Variants in CLN6 observed in about 807,000 individuals in gnomAD.
CLN6 encodes the protein ceroid-lipofuscinosis neuronal protein 6.
A neutral mutation model predicts 33.3 loss-of-function variants in CLN6; 22 were observed. The ratio of observed to expected loss-of-function variants is 0.66; its 90% CI spans 0.47 to 0.94. The LOEUF is 0.94. Ranked by LOEUF, CLN6 falls within the 40% of genes least tolerant of loss-of-function variation. The pLI is 0.00. For missense variants in CLN6, 387 were observed against 417.1 expected, an observed-to-expected ratio of 0.93 and a Z score of 0.63; for synonymous variants, 201 against 174.6, an observed-to-expected ratio of 1.15 and a Z score of -1.19.
In CLN6 at chr15:68,247,556, T is replaced by C. The variant is rs1892339803; in HGVS notation, c.179+9134A>G. Among the ~76,000 whole-genome samples the C allele has an allele frequency of 6.6e-6, 1 of 152,176 alleles. No individual in the cohort carries two copies. Among genetic ancestry groups the C allele is most frequent in the South Asian group, 2.1e-4 (1 of 4,828 alleles). On this transcript the variant is annotated intron_variant, in intron 1 of 6. Transcript: ENST00000538696. The surrounding 1 kb of genome is among the most constrained non-coding windows in gnomAD (Gnocchi z 4.2). The stretch of plus-strand genomic sequence containing the variant: ...CACAGCAAAATGGAAAGCTATTCCA[T>C]GTTCATGGACTGGAATAGTTAGTTG...
At position 68,256,903 on chromosome 15, in the gene CLN6, G is replaced by C; in HGVS notation, c.-35C>G. 1.5e-6 allele frequency: 1 copy of C among 653,054 alleles called. No individual in the cohort carries two copies. Among genetic ancestry groups the C allele is most frequent in the Non-Finnish European group, 2.8e-6 (1 of 361,886 alleles). The allele number at this position is 653,054 out of a possible 1,614,324, so 40.5% of individuals were successfully genotyped here. A position where few individuals can be genotyped will look rare whatever the true frequency, so the allele number is the denominator to read the frequency against. On this transcript the variant is annotated 5_prime_UTR_variant, in exon 1 of 7. Coordinates refer to the CLN6 transcript ENST00000538696. The surrounding 1 kb of genome is among the most constrained non-coding windows in gnomAD (Gnocchi z 4.1). Reference sequence around the variant, plus strand: ...AGGCAAGGTCCTGGGCGCGGCTCTGGGGAGGGTCAGGGTGCGCGTCCCACC... The same window carrying C: ...AGGCAAGGTCCTGGGCGCGGCTCTGCGGAGGGTCAGGGTGCGCGTCCCACC...
intron 2 of CLN6, chr15:68,218,225 T>C: frequency 2.9e-6 from 1 of 340,704 alleles, no homozygotes; most frequent in Non-Finnish European, 5.8e-6. Flanking sequence ...GTCTTGGTGA[T>C]TTGGTTCAAC....
rs1321555069 is a variant in CLN6, at chr15:68,219,502, C to T, written c.84-852G>A. On this transcript the variant is annotated intron_variant, in intron 1 of 6. Transcript: ENST00000249806. The surrounding 1 kb of genome is among the most constrained non-coding windows in gnomAD (Gnocchi z 4.2). The stretch of plus-strand genomic sequence containing the variant: ...TCACGATACATCTTTGGAGGCCTGT[C>T]CCTCTCACTAAACAGTTGGTCATCT... Among the ~76,000 whole-genome samples, 1 of 152,154 alleles carries T rather than the reference C, an allele frequency of 6.6e-6. No homozygotes were observed. Among genetic ancestry groups the T allele is most frequent in the Non-Finnish European group, 1.5e-5 (1 of 68,020 alleles).
chr15:68,229,858 G>A (rs1045950881), upstream of CLN6: 4 of 267,278 alleles, frequency 1.5e-5, no homozygotes, highest in Admixed American at 5.5e-5. Context: ...TCGCGGGGCG[G>A]GGGCTGCTGG....
At position 68,208,180 on chromosome 15, in the gene CLN6, G is replaced by A. The variant is rs758921701; in HGVS notation, c.896C>T (p.Pro299Leu). The change falls in exon 7 of 7, where the codon CCC becomes CTC. Residue 299 changes from proline to leucine, a missense_variant. By Grantham distance (98) the Pro-to-Leu change is moderately conservative. Coordinates refer to ENST00000249806, the MANE Select transcript of CLN6 (RefSeq NM_017882.3). This position sits in a 1 kb window ranked among gnomAD's most constrained non-coding sequence, Gnocchi z 5.8. Reference protein sequence around the residue: ...KYPGVIYVPEPWAFYTLHVSS... With the variant: ...KYPGVIYVPELWAFYTLHVSS... ...GACGTGAAGGGTGTAGAAAGCCCAG[G>A]GCTCAGGGACGTAGATGACACCCGG... is the stretch of plus-strand genomic sequence containing the variant. 6 of 1,581,306 alleles carry A rather than the reference G, an allele frequency of 3.8e-6. No individual in the cohort carries two copies. Among genetic ancestry groups the A allele is most frequent in the Non-Finnish European group, 4.3e-6 (5 of 1,160,104 alleles).
intron 1 of CLN6, 39 bp from the exon 2 acceptor site, chr15:68,218,689 C>T (rs1449556322): frequency 6.8e-7 from 1 of 1,466,278 alleles, no homozygotes; most frequent in East Asian, 2.3e-5. Flanking sequence ...GCTCTTCTCT[C>T]CTCCTCCACC....
intron 2 of CLN6, chr15:68,215,703 C>T (rs978846357): frequency 1.3e-5 from 2 of 152,196 alleles, no homozygotes; most frequent in African/African-American, 4.8e-5. Context: ...GGCAATCCTC[C>T]TGCCTTGGCC....
At chr15:68,245,833 A>G (rs576687410) in intron 1 of CLN6, among the ~76,000 whole-genome samples, 1 of 152,264 alleles carries the variant, frequency 6.6e-6, no homozygotes, top group South Asian at 2.1e-4. Context: ...CAACTTACCA[A>G]TAGAGACACA....
chr15:68,256,707 G>T lies in CLN6; in HGVS notation c.162C>A (p.Leu54=). The T allele has an allele frequency of 1.5e-6, 1 of 677,160 alleles. No homozygotes were observed. The highest frequency in any genetic ancestry group is 2.7e-6 in the Non-Finnish European group (1 of 372,294). 41.9% of individuals were successfully genotyped at this position (677,160 alleles called of 1,614,324 possible). A position where few individuals can be genotyped will look rare whatever the true frequency, so the allele number is the denominator to read the frequency against. ...AAACTTACTTTTTACCTTTGAATTT[G>T]AGTTTTCTCAGCGAAGTCTCACAGG... Residue 54 remains leucine (L), a synonymous_variant, in exon 1 of 7, where the codon CTC becomes CTA. Coordinates refer to the CLN6 transcript ENST00000538696. The surrounding 1 kb of genome is among the most constrained non-coding windows in gnomAD (Gnocchi z 4.1).
chr15:68,233,175 C>G (rs1448610056), upstream of CLN6, among the ~76,000 whole-genome samples: 2 of 152,172 alleles, frequency 1.3e-5, no homozygotes, highest in Admixed American at 6.5e-5. This position sits in a 1 kb window ranked among gnomAD's most constrained non-coding sequence, Gnocchi z 4.3. Context: ...CTTGTCCTCA[C>G]TTCCCCTTCC....
chr15:68,254,073 G>T (rs1025213327), intron 1 of CLN6, among the ~76,000 whole-genome samples: 1 of 150,300 alleles, frequency 6.7e-6, no homozygotes, highest in East Asian at 1.9e-4. Flanking sequence ...TAGAGATGGG[G>T]TTTCACCGTG....
chr15:68,250,624 CAAAA>C (rs57895966), intron 1 of CLN6, among the ~76,000 whole-genome samples: 2 of 61,650 alleles, frequency 3.2e-5, no homozygotes, highest in African/African-American at 4.9e-5. Context: ...GACTCTGTCT[CAAAA>C]AAAAAAAAAA....
rs1213128680 is a variant in CLN6 at position 68,219,133 on chromosome 15, C to T, written c.84-483G>A. 6.6e-6 allele frequency among the ~76,000 whole-genome samples: 1 copy of T among 152,134 alleles called. No individual in the cohort carries two copies. The highest frequency in any genetic ancestry group is 1.5e-5 in the Non-Finnish European group (1 of 68,026). On this transcript the variant is annotated intron_variant, in intron 1 of 6. Coordinates refer to ENST00000249806, the MANE Select transcript of CLN6 (RefSeq NM_017882.3). This position sits in a 1 kb window ranked among gnomAD's most constrained non-coding sequence, Gnocchi z 4.2. ...TTTTAGAAACGAAAAAACTGAGGCC[C>T]AAGAGGCTCAATAACTTGCTCAAGG...
rs2093205932 is a variant in CLN6 at position 68,211,732 on chromosome 15, C to T, written c.429G>A (p.Gln143=). 3 of 1,613,826 alleles carry T rather than the reference C, an allele frequency of 1.9e-6. No homozygotes were observed. Among genetic ancestry groups the T allele is most frequent in the East Asian group, 2.2e-5 (1 of 44,880 alleles). ...GGTTCTCACGGACAGACAGGTGGTG[C>T]TGGTAGCCACTGAAGAGCAGGCGGT... is the stretch of plus-strand genomic sequence containing the variant. ...VNHRLLFSGY[Q]HHLSVRENPI... Residue 143 remains glutamine (Q), a synonymous_variant, in exon 4 of 7, where the codon CAG becomes CAA. Transcript: ENST00000249806. The surrounding 1 kb of genome is among the most constrained non-coding windows in gnomAD (Gnocchi z 5.9).
rs2093196400 is a variant in CLN6 at position 68,208,955 on chromosome 15, T to C, written c.666-545A>G. Among the ~76,000 whole-genome samples the C allele has an allele frequency of 6.6e-6, 1 of 152,204 alleles. No homozygotes were observed. The highest frequency in any genetic ancestry group is 6.5e-5 in the Admixed American group (1 of 15,282). On this transcript the variant is annotated intron_variant, in intron 6 of 6. Transcript: ENST00000249806. This position sits in a 1 kb window ranked among gnomAD's most constrained non-coding sequence, Gnocchi z 5.8. ...CCCAGGAAAGGAGGCCCTTTTCATTTTGAGGGAGGCCTCCCATCAGAGAAG... is the reference window on the plus strand; with the variant it reads ...CCCAGGAAAGGAGGCCCTTTTCATTCTGAGGGAGGCCTCCCATCAGAGAAG...
At position 68,256,920 on chromosome 15, in the gene CLN6, C is replaced by T. The variant is rs1357831323; in HGVS notation, c.-52G>A. 1.8e-5 allele frequency: 11 copies of T among 626,936 alleles called. No homozygotes were observed. The highest frequency in any genetic ancestry group is 3.1e-5 in the Non-Finnish European group (11 of 349,490). 38.8% of individuals were successfully genotyped at this position (626,936 alleles called of 1,614,324 possible). The stretch of plus-strand genomic sequence containing the variant: ...CGGCTCTGGGGAGGGTCAGGGTGCG[C>T]GTCCCACCGCGTCGTGGGGCAGGGT... On this transcript the variant is annotated 5_prime_UTR_variant, in exon 1 of 7. Coordinates refer to the CLN6 transcript ENST00000538696. This position sits in a 1 kb window ranked among gnomAD's most constrained non-coding sequence, Gnocchi z 4.1.
At chr15:68,212,060 G>A in intron 3 of CLN6, 197 bp from the exon 4 acceptor site, 1 of 608,990 alleles carries the variant, frequency 1.6e-6, no homozygotes, top group Middle Eastern at 4.4e-4. Flanking sequence ...GAGGGAATGT[G>A]GAGCAGCACC....
At position 68,209,736 on chromosome 15, in the gene CLN6, A is replaced by G; in HGVS notation, c.566T>C (p.Leu189Pro). The G allele has an allele frequency of 6.2e-7, 1 of 1,613,666 alleles. No homozygotes were observed. Among genetic ancestry groups the G allele is most frequent in the Non-Finnish European group, 8.5e-7 (1 of 1,179,910 alleles). ...AAAGCAGCCGCTGAAGTACATGAAGAGGATGAGGAAGAAGGGGATGTACCT... is the reference window on the plus strand; with the variant it reads ...AAAGCAGCCGCTGAAGTACATGAAGGGGATGAGGAAGAAGGGGATGTACCT... ...CMWYIPFFLI[L>P]FMYFSGCFTA... Residue 189 changes from leucine (L) to proline (P), a missense_variant, in exon 6 of 7, where the codon CTC (leucine) becomes CCC (proline). By Grantham distance (98) the Leu-to-Pro change is moderately conservative (BLOSUM62 -3). Coordinates refer to ENST00000249806, the MANE Select transcript of CLN6 (RefSeq NM_017882.3). The surrounding 1 kb of genome is among the most constrained non-coding windows in gnomAD (Gnocchi z 4.9).
intron 1 of CLN6, among the ~76,000 whole-genome samples, chr15:68,251,675 A>AAAACAAAC (rs60310067): frequency 0.015 from 2,249 of 150,442 alleles, 34 homozygotes; most frequent in African/African-American, 0.036. Flanking sequence ...ACACTGTCTC[A>AAAACAAAC]AAACAAACAA....
Sources: allele counts gnomAD v4.1 joint callset (sites outside exome capture counted in the v4.1 genomes callset), GRCh38; gene constraint gnomAD v4.1.1; non-coding constraint Gnocchi (gnomAD v3.1); transcripts MANE v1.5; gene names NCBI Gene and HGNC (gene_info 2026-07-23, HGNC 2026-07-21).